ANK1: variants seen among roughly 807,000 people sequenced by gnomAD.
ANK1 encodes the protein ankyrin 1.
In ANK1, 51 loss-of-function variants were observed where a neutral mutation model predicts 210.4. The observed-to-expected ratio is 0.24, with a 90% CI of 0.19 to 0.31. The LOEUF (loss-of-function observed/expected upper bound fraction) is 0.31. Among genes scored for constraint, ANK1 ranks in the 10% least tolerant of loss-of-function variants. The pLI is 1.00. For synonymous variants in ANK1, 967 were observed against 1,025.9 expected, an observed-to-expected ratio of 0.94 and a Z score of 1.10; for missense variants, 2,051 against 2,504.4, an observed-to-expected ratio of 0.82 and a Z score of 3.86.
chr8:41,679,839 C>T (rs1815411845), intron 37 of ANK1, among the ~76,000 whole-genome samples: 1 of 152,034 alleles, frequency 6.6e-6, no homozygotes, highest in African/African-American at 2.4e-5. Context: ...GCTGGGATTA[C>T]AAGCGTGAGC....
chr8:41,706,007 T>C (rs754186640), intron 18 of ANK1, 136 bp downstream of exon 18: 33 of 873,762 alleles, frequency 3.8e-5, no homozygotes, highest in Admixed American at 7.8e-5. Flanking sequence ...GTTTTCAAAC[T>C]CCACTGCCAG....
intron 1 of ANK1, among the ~76,000 whole-genome samples, chr8:41,840,535 G>A (rs1407663908): frequency 6.6e-6 from 1 of 152,190 alleles, no homozygotes; most frequent in Non-Finnish European, 1.5e-5. Context: ...CAGAGGTCCA[G>A]GTGCCAGCAG....
chr8:41,861,416 G>T (rs1048013626), intron 1 of ANK1, among the ~76,000 whole-genome samples: 1 of 152,192 alleles, frequency 6.6e-6, no homozygotes, highest in African/African-American at 2.4e-5. Flanking sequence ...ACTAATAAAG[G>T]CTTCGAAAGG....
intron 37 of ANK1, 148 bp downstream of exon 37, chr8:41,684,396 G>A: frequency 1.5e-6 from 2 of 1,304,326 alleles, no homozygotes; most frequent in Non-Finnish European, 2.2e-6. Flanking sequence ...CCGGAAAGGA[G>A]GAACTTGTTG....
At position 41,821,020 on chromosome 8, in the gene ANK1, G is replaced by A. The variant is rs566490958; in HGVS notation, c.127-62883C>T. On this transcript the variant is annotated intron_variant, in intron 1 of 42. Coordinates refer to the ANK1 transcript ENST00000265709. The stretch of plus-strand genomic sequence containing the variant: ...CCCTGATATAGACAATTTTACTAAC[G>A]TAGATTTCCTTTACAGATGCAAATT... 1.4e-4 allele frequency among the ~76,000 whole-genome samples: 21 copies of A among 152,298 alleles called. No individual in the cohort carries two copies. The South Asian group carries it at 3.9e-3, about 29-fold the overall frequency.
At chr8:41,818,598 T>G (rs13261538) in intron 1 of ANK1, among the ~76,000 whole-genome samples, 1 of 151,982 alleles carries the variant, frequency 6.6e-6, no homozygotes, top group African/African-American at 2.4e-5. Context: ...TTTCTTTCTT[T>G]CCTTCTCTTT....
At chr8:41,661,174 C>T (rs1414066302) in intron 42 of ANK1, 8 of 508,228 alleles carry the variant, frequency 1.6e-5, no homozygotes, top group Non-Finnish European at 2.8e-5. Flanking sequence ...CTGTGCCCGG[C>T]CCAAAAGGCA....
At chr8:41,752,398 C>T (rs572665856) in intron 2 of ANK1, among the ~76,000 whole-genome samples, 18 of 152,276 alleles carry the variant, frequency 1.2e-4, no homozygotes, top group Non-Finnish European at 1.8e-4. Context: ...CATCAGCCCC[C>T]GTCAGCACTC....
rs758199811 is a variant in ANK1, at chr8:41,672,385, C to T, written c.5065G>A (p.Val1689Met). The T allele has an allele frequency of 2.4e-5, 39 of 1,614,102 alleles. No homozygotes were observed. The highest frequency in any genetic ancestry group is 3.3e-4 in the Middle Eastern group (2 of 6,084). ...TGACTCCTCTCCGTCACCTGACTCACGGTGGGGGAATGTGTGATTCGGGCT... is the reference window on the plus strand; with the variant it reads ...TGACTCCTCTCCGTCACCTGACTCATGGTGGGGGAATGTGTGATTCGGGCT... ...GQARITHSPTVSQVTERSQDR... is the reference protein window; with the variant it reads ...GQARITHSPTMSQVTERSQDR... The change falls in exon 38 of 43, where the codon GTG becomes ATG. Residue 1689 changes from valine to methionine, a missense_variant. Val to Met is a conservative substitution (Grantham distance 21). Transcript: ENST00000289734.
At position 41,725,749 on chromosome 8, in the gene ANK1, C is replaced by T; in HGVS notation, c.612+12G>A. The T allele has an allele frequency of 6.2e-7, 1 of 1,607,334 alleles. No individual in the cohort carries two copies. The highest frequency in any genetic ancestry group is 8.5e-7 in the Non-Finnish European group (1 of 1,178,720). On this transcript the variant is annotated intron_variant, in intron 6 of 42. Transcript: ENST00000289734. ...CCGCGGCCCAAGGCTCCTCCCTCCTCCTCGCCCTCACCTTGGAAAGCACGT... is the reference window on the plus strand; with the variant it reads ...CCGCGGCCCAAGGCTCCTCCCTCCTTCTCGCCCTCACCTTGGAAAGCACGT...
At chr8:41,703,450 A>ATATATTTTTTTTTTTTTTTTT (rs59985416) in intron 20 of ANK1, among the ~76,000 whole-genome samples, 1 of 58,814 alleles carries the variant, frequency 1.7e-5, no homozygotes, top group African/African-American at 9.0e-5. Flanking sequence ...ATATATATAT[A>ATATATTTTTTTTTTTTTTTTT]TTTTTTTTTT....
Position 41,686,052 on chromosome 8 carries a change from C to T in ANK1, c.4390+100G>A, listed in dbSNP as rs372267188. 1.0e-5 allele frequency: 16 copies of T among 1,571,082 alleles called. No individual in the cohort carries two copies. The African/African-American group carries it at 1.9e-4, about 19-fold the overall frequency. On this transcript the variant is annotated intron_variant, in intron 36 of 42. Transcript: ENST00000289734. ...TGTGTGTGAGAGAGACAGAGACAGA[C>T]TGACTCCAGAGGCCAGTGTCATGAA...
Position 41,661,855 on chromosome 8 carries a change from CA to C in ANK1, c.5544+20del. 1 of 1,614,146 alleles carries C rather than the reference CA, an allele frequency of 6.2e-7. No homozygotes were observed. Among genetic ancestry groups the C allele is most frequent in the Non-Finnish European group, 8.5e-7 (1 of 1,180,010 alleles). On this transcript the variant is annotated intron_variant, in intron 41 of 42. Transcript: ENST00000289734. ...CGACCTCCAGCTCACTGGGATCCTC[CA>C]GGGGCCCCTCTACAGTCACCTCCTC... is the stretch of plus-strand genomic sequence containing the variant.
intron 1 of ANK1, among the ~76,000 whole-genome samples, chr8:41,774,263 C>T (rs537263031): frequency 6.6e-6 from 1 of 152,270 alleles, no homozygotes; most frequent in African/African-American, 2.4e-5. Flanking sequence ...GGTAGGAGCT[C>T]CCACCAGTCA....
rs887503440 is a variant in ANK1, at chr8:41,771,309, G to A, written c.28-13172C>T. ...ATATAGACCACTGGGTAAGCTGTAC[G>A]ACTTGGAAGGGTCTCTTTGGGCCCT... is the stretch of plus-strand genomic sequence containing the variant. On this transcript the variant is annotated intron_variant, in intron 1 of 42. Transcript: ENST00000289734. Among the ~76,000 whole-genome samples the A allele has an allele frequency of 7.9e-5, 12 of 151,688 alleles. 1 individual carries two copies. The South Asian group carries it at 1.0e-3, about 13-fold the overall frequency.
intron 1 of ANK1, among the ~76,000 whole-genome samples, chr8:41,822,764 C>A (rs1399245761): frequency 6.6e-6 from 1 of 152,206 alleles, no homozygotes; most frequent in Non-Finnish European, 1.5e-5. Context: ...GGATCCTTGA[C>A]CCTGCTACCA....
intron 17 of ANK1, 99 bp downstream of exon 17, chr8:41,708,679 C>T: frequency 1.5e-6 from 2 of 1,315,760 alleles, no homozygotes; most frequent in Middle Eastern, 1.8e-4. Flanking sequence ...CACACACACA[C>T]CCCTAACTCA....
At chr8:41,890,832 T>C (rs971558216) in intron 1 of ANK1, among the ~76,000 whole-genome samples, 3 of 151,994 alleles carry the variant, frequency 2.0e-5, no homozygotes, top group African/African-American at 7.3e-5. Context: ...TACCAATTCT[T>C]TAGGGCCAAC....
chr8:41,674,245 C>T (rs559623585), intron 37 of ANK1, among the ~76,000 whole-genome samples: 16 of 152,282 alleles, frequency 1.1e-4, no homozygotes, highest in African/African-American at 2.6e-4. Context: ...AAGAGAGGTC[C>T]GATTACATGC....
Sources: gnomAD v4.1 joint callset for allele counts (sites outside exome capture counted in the v4.1 genomes callset) on GRCh38, gnomAD v4.1.1 for gene constraint, MANE v1.5 for transcripts, NCBI Gene and HGNC (gene_info 2026-07-23, HGNC 2026-07-21) for gene names.